UBE2D2: variants seen among roughly 807,000 people sequenced by gnomAD.
UBE2D2 encodes ubiquitin conjugating enzyme E2 D2, also known as ubiquitin-conjugating enzyme E2 D2.
In UBE2D2, 2 loss-of-function variants were observed where a neutral mutation model predicts 24.2. That is an observed-to-expected ratio of 0.08 (90% CI 0.03 to 0.26). The LOEUF (loss-of-function observed/expected upper bound fraction) is 0.26. Among genes scored for constraint, UBE2D2 ranks in the 10% least tolerant of loss-of-function variants. The pLI is 1.00. For missense variants in UBE2D2, 44 were observed against 177.6 expected, an observed-to-expected ratio of 0.25 and a Z score of 4.28; for synonymous variants, 58 against 56.5, an observed-to-expected ratio of 1.03 and a Z score of -0.12.
intron 1 of UBE2D2, among the ~76,000 whole-genome samples, chr5:139,597,844 T>C (rs1753989875): frequency 6.6e-6 from 1 of 152,234 alleles, no homozygotes; most frequent in African/African-American, 2.4e-5. Context: ...AATCTAAAAT[T>C]TGAGATATTT....
At chr5:139,529,642 T>TA (rs906766762) in intron 1 of UBE2D2, among the ~76,000 whole-genome samples, 114 of 150,620 alleles carry the variant, frequency 7.6e-4, no homozygotes, top group Admixed American at 1.0e-3. Flanking sequence ...CCAAGTAAAA[T>TA]AAAAAAAAAT....
intron 1 of UBE2D2, among the ~76,000 whole-genome samples, chr5:139,548,399 T>C (rs1318117646): frequency 6.6e-6 from 1 of 151,742 alleles, no homozygotes; most frequent in African/African-American, 2.4e-5. Context: ...CCAAGATTGC[T>C]ACACGGAGTG....
chr5:139,611,175 CTTTTTTTT>C (rs60626896), intron 2 of UBE2D2, among the ~76,000 whole-genome samples: 58 of 58,796 alleles, frequency 9.9e-4, no homozygotes, highest in East Asian at 2.4e-3. Flanking sequence ...AGTTTTCCTT[CTTTTTTTT>C]TTTTTTTTTT....
intron 1 of UBE2D2, among the ~76,000 whole-genome samples, chr5:139,580,308 G>A (rs540196384): frequency 5.3e-5 from 8 of 152,040 alleles, no homozygotes; most frequent in East Asian, 3.9e-4. Flanking sequence ...CAAGTGTTAC[G>A]CCCACCTCAG....
At chr5:139,539,923 T>C (rs748495352) in intron 1 of UBE2D2, among the ~76,000 whole-genome samples, 1 of 150,950 alleles carries the variant, frequency 6.6e-6, no homozygotes, top group Non-Finnish European at 1.5e-5. Flanking sequence ...CATTGTACTA[T>C]GTATATATTT....
At chr5:139,531,635 AAAAGAAAGAAAAAG>A (rs1752598614) in intron 1 of UBE2D2, among the ~76,000 whole-genome samples, 1 of 151,410 alleles carries the variant, frequency 6.6e-6, no homozygotes, top group Admixed American at 6.6e-5. Flanking sequence ...CAAAAAAAAA[AAAAGAAAGAAAAAG>A]AAAGAAAGAA....
At chr5:139,563,055 A>G (rs2126647562) in intron 1 of UBE2D2, among the ~76,000 whole-genome samples, 1 of 152,278 alleles carries the variant, frequency 6.6e-6, no homozygotes. Flanking sequence ...TTGGAATTAC[A>G]GGCATCAATC....
intron 5 of UBE2D2, among the ~76,000 whole-genome samples, chr5:139,622,289 G>C (rs981787435): frequency 3.3e-5 from 5 of 151,526 alleles, no homozygotes; most frequent in African/African-American, 1.2e-4. Context: ...GTGTCGCCCA[G>C]GCTGGAGTGC....
At chr5:139,550,594 C>T (rs868411987) in intron 1 of UBE2D2, among the ~76,000 whole-genome samples, 1 of 151,956 alleles carries the variant, frequency 6.6e-6, no homozygotes, top group Non-Finnish European at 1.5e-5. Flanking sequence ...TTTTTTTGAT[C>T]TTTGAGATAA....
intron 1 of UBE2D2, among the ~76,000 whole-genome samples, chr5:139,591,182 G>A (rs1753839618): frequency 6.6e-6 from 1 of 150,482 alleles, no homozygotes. Flanking sequence ...AGTGCATGGT[G>A]CAATCTCGGC....
At chr5:139,601,133 T>C (rs2126686559) in intron 2 of UBE2D2, among the ~76,000 whole-genome samples, 1 of 152,318 alleles carries the variant, frequency 6.6e-6, no homozygotes, top group Admixed American at 6.5e-5. Flanking sequence ...AATGTCCAAT[T>C]TATCTGCTTA....
At chr5:139,621,732 C>T (rs916284336) in intron 5 of UBE2D2, among the ~76,000 whole-genome samples, 2 of 152,064 alleles carry the variant, frequency 1.3e-5, no homozygotes, top group Non-Finnish European at 1.5e-5. Flanking sequence ...AAGTGATCCT[C>T]CCACCTCAGC....
intron 1 of UBE2D2, among the ~76,000 whole-genome samples, chr5:139,572,293 A>G (rs1753366906): frequency 2.0e-5 from 3 of 152,188 alleles, no homozygotes; most frequent in Admixed American, 2.0e-4. Flanking sequence ...AATCATGCAT[A>G]CTTGTATTAA....
chr5:139,575,224 T>G (rs771083227), intron 1 of UBE2D2, among the ~76,000 whole-genome samples: 6 of 152,108 alleles, frequency 3.9e-5, no homozygotes, highest in Admixed American at 6.6e-5. Context: ...GTGAACAACA[T>G]GTTGGGCTTT....
chr5:139,623,875 A>G (rs1754565164), intron 6 of UBE2D2, among the ~76,000 whole-genome samples: 1 of 151,864 alleles, frequency 6.6e-6, no homozygotes, highest in Non-Finnish European at 1.5e-5. Flanking sequence ...TTGTAGTTTT[A>G]GTAGAGACTT....
intron 1 of UBE2D2, among the ~76,000 whole-genome samples, chr5:139,583,900 C>T (rs553591333): frequency 7.9e-4 from 120 of 152,244 alleles, no homozygotes; most frequent in African/African-American, 2.7e-3. Context: ...ACAGTGGTCC[C>T]ATAAGATAAT....
chr5:139,559,005 T>C (rs558468566), upstream of UBE2D2, among the ~76,000 whole-genome samples: 1 of 152,196 alleles, frequency 6.6e-6, no homozygotes, highest in South Asian at 2.1e-4. Context: ...GTCTCTATAT[T>C]GCCCAGGCTG....
intron 1 of UBE2D2, among the ~76,000 whole-genome samples, chr5:139,553,122 A>G (rs1157918626): frequency 6.6e-6 from 1 of 152,158 alleles, no homozygotes; most frequent in Non-Finnish European, 1.5e-5. Flanking sequence ...CCTGGCCTCT[A>G]CTAGCTGACA....
chr5:139,534,348 C>T (rs950756334), intron 1 of UBE2D2, among the ~76,000 whole-genome samples: 1 of 151,944 alleles, frequency 6.6e-6, no homozygotes, highest in South Asian at 2.1e-4. Flanking sequence ...AGGCTGATCA[C>T]GAGGTCAGGA....
Sources: allele counts gnomAD v4.1 joint callset (sites outside exome capture counted in the v4.1 genomes callset), GRCh38; gene constraint gnomAD v4.1.1; transcripts MANE v1.5; gene names NCBI Gene and HGNC (gene_info 2026-07-23, HGNC 2026-07-21).